The following PDS5B variants were observed in gnomAD, a reference collection of about 807,000 sequenced individuals.
PDS5B encodes PDS5 cohesin associated factor B.
PDS5B carries 51 observed loss-of-function variants against 184.1 expected under a neutral mutation model. The ratio of observed to expected loss-of-function variants is 0.28; its 90% confidence interval spans 0.22 to 0.35. The LOEUF (loss-of-function observed/expected upper bound fraction) is 0.35, where lower values mean the gene tolerates loss of function less well. Ranked by LOEUF, PDS5B falls within the 10% of genes least tolerant of loss-of-function variation. The pLI, the probability that PDS5B is intolerant of heterozygous loss-of-function variation, is 1.00. For missense variants in PDS5B, 1,180 were observed against 1,723.3 expected, an observed-to-expected ratio of 0.68 and a Z score of 5.58; for synonymous variants, 566 against 569.2, an observed-to-expected ratio of 0.99 and a Z score of 0.08.
chr13:32,770,003 G>A, intron 31 of PDS5B, 118 bp from the exon 32 acceptor site: 1 of 779,378 alleles, frequency 1.3e-6, no homozygotes, highest in Non-Finnish European at 2.0e-6. Context: ...TTTAAGAGCT[G>A]TATATTTTAG....
chr13:32,730,737 GCTCT>G (rs563254694), intron 19 of PDS5B, among the ~76,000 whole-genome samples: 1,539 of 152,060 alleles, frequency 0.01, 13 homozygotes, highest in Middle Eastern at 0.017. Flanking sequence ...TCATGATTTG[GCTCT>G]CTGTTTGTCT....
At chr13:32,758,415 GACT>G in intron 27 of PDS5B, 116 bp from the exon 28 acceptor site, 1 of 1,069,826 alleles carries the variant, frequency 9.3e-7, no homozygotes. Flanking sequence ...TGCTTACACA[GACT>G]GTTGCTTTCA....
chr13:32,668,520 T>G (rs1950857676), intron 7 of PDS5B, among the ~76,000 whole-genome samples: 1 of 152,178 alleles, frequency 6.6e-6, no homozygotes, highest in Non-Finnish European at 1.5e-5. Flanking sequence ...ACAGTTCTTT[T>G]GAGTTCTACA....
rs558946321 is a variant in PDS5B, at chr13:32,713,477, A to G, written c.2123+3371A>G. ...AGGTAAACAGCAAATGACATGAGAG[A>G]AAAAAGATAACAAAAATGAAGTAAT... is the stretch of plus-strand genomic sequence containing the variant. On this transcript the variant is annotated intron_variant, in intron 19 of 34. Transcript: ENST00000315596. Among the ~76,000 whole-genome samples, 370 of 152,318 alleles carry G rather than the reference A, an allele frequency of 2.4e-3. 2 individuals are homozygous for G. Among genetic ancestry groups the G allele is most frequent in the African/African-American group, 8.1e-3 (335 of 41,572 alleles).
intron 8 of PDS5B, 143 bp downstream of exon 8, chr13:32,673,499 C>T: frequency 1.4e-6 from 1 of 703,636 alleles, no homozygotes; most frequent in South Asian, 2.2e-5. Flanking sequence ...CGTATTTGTG[C>T]CGTGTCTGTT....
At chr13:32,595,042 C>T (rs190977292) in intron 1 of PDS5B, among the ~76,000 whole-genome samples, 5 of 152,222 alleles carry the variant, frequency 3.3e-5, no homozygotes, top group Admixed American at 1.3e-4. Context: ...CTGAATTTCC[C>T]ATCTTCTTTT....
At chr13:32,724,731 C>CAT (rs1491186423) in intron 19 of PDS5B, among the ~76,000 whole-genome samples, 1 of 152,154 alleles carries the variant, frequency 6.6e-6, no homozygotes, top group Non-Finnish European at 1.5e-5. Flanking sequence ...AGGCGCATGT[C>CAT]ACCATGCCTG....
At chr13:32,758,700 C>A in intron 28 of PDS5B, 47 bp downstream of exon 28, 1 of 1,580,180 alleles carries the variant, frequency 6.3e-7, no homozygotes, top group Non-Finnish European at 8.7e-7. Context: ...AAAATGTATT[C>A]TCAGCACTGG....
intron 25 of PDS5B, 109 bp from the exon 26 acceptor site, chr13:32,755,733 A>G (rs564864934): frequency 1.1e-5 from 6 of 562,754 alleles, no homozygotes; most frequent in Non-Finnish European, 1.6e-5. Flanking sequence ...TATAGTACGA[A>G]AGAAAGAGTA....
intron 27 of PDS5B, among the ~76,000 whole-genome samples, 156 bp from the exon 28 acceptor site, chr13:32,758,378 G>A (rs1954260914): frequency 6.6e-6 from 1 of 152,122 alleles, no homozygotes; most frequent in African/African-American, 2.4e-5. Flanking sequence ...ACAAGTAAAT[G>A]AGCAAAACCA....
At position 32,633,259 on chromosome 13, in the gene PDS5B, ATAAT is replaced by A. The variant is rs958896452; in HGVS notation, c.-19-15490_-19-15487del. 5.7e-4 allele frequency among the ~76,000 whole-genome samples: 87 copies of A among 152,352 alleles called. 1 individual carries two copies. Among genetic ancestry groups the A allele is most frequent in the Admixed American group, 4.2e-3 (64 of 15,304 alleles). On this transcript the variant is annotated intron_variant, in intron 1 of 34. Coordinates refer to ENST00000315596, the MANE Select transcript of PDS5B (RefSeq NM_015032.4). ...GTAGTGGTTGCACAATATTGTAAAT[ATAAT>A]TAATAATGTCACTTAATTGTACATT...
At position 32,628,552 on chromosome 13, in the gene PDS5B, GA is replaced by G. The variant is rs35988429; in HGVS notation, c.-19-20187del. ...GACACAGAGAGACTCCCATCTCAGG[GA>G]AAAAAAAAAAAAAATTATGCTCTAT... On this transcript the variant is annotated intron_variant, in intron 1 of 34. Transcript: ENST00000315596. Among the ~76,000 whole-genome samples, 1,106 of 139,278 alleles carry G rather than the reference GA, an allele frequency of 7.9e-3. 11 individuals are homozygous for G. Among genetic ancestry groups the G allele is most frequent in the African/African-American group, 0.023 (860 of 37,646 alleles). The allele number at this position is 139,278 out of a possible 152,430, so 91.4% of individuals were successfully genotyped here. A position where few individuals can be genotyped will look rare whatever the true frequency, so the allele number is the denominator to read the frequency against.
chr13:32,660,607 T>C lies in PDS5B; in HGVS notation c.624+1327T>C, dbSNP rs180763466. ...AACCCTCCTAGACACAAATCGAGTA[T>C]CTAGCTTGGCTTTCTGCACTGAGCA... On this transcript the variant is annotated intron_variant, in intron 6 of 34. Transcript: ENST00000315596. 1.8e-4 allele frequency among the ~76,000 whole-genome samples: 28 copies of C among 152,308 alleles called. 2 individuals are homozygous for C. The highest frequency in any genetic ancestry group is 1.6e-3 in the Admixed American group (25 of 15,304).
chr13:32,736,952 C>T (rs1953352666), intron 21 of PDS5B, among the ~76,000 whole-genome samples: 1 of 152,012 alleles, frequency 6.6e-6, no homozygotes, highest in African/African-American at 2.4e-5. Context: ...TTCTGTAATT[C>T]TATAGTTTTT....
chr13:32,660,585 C>A (rs993320337), intron 6 of PDS5B, among the ~76,000 whole-genome samples: 3 of 152,198 alleles, frequency 2.0e-5, no homozygotes, highest in African/African-American at 7.2e-5. Flanking sequence ...CAAGACAAAC[C>A]CTCCTAGACA....
At chr13:32,640,841 T>A (rs900145494) in intron 1 of PDS5B, among the ~76,000 whole-genome samples, 1 of 151,392 alleles carries the variant, frequency 6.6e-6, no homozygotes, top group Non-Finnish European at 1.5e-5. Flanking sequence ...GATCATGAGG[T>A]CAGGAGATCG....
intron 1 of PDS5B, among the ~76,000 whole-genome samples, chr13:32,638,288 T>C (rs1440480145): frequency 6.6e-6 from 1 of 152,180 alleles, no homozygotes; most frequent in Non-Finnish European, 1.5e-5. Context: ...AAAAACACTT[T>C]TATTTCTTGA....
At chr13:32,677,470 A>G (rs900314499) in intron 9 of PDS5B, among the ~76,000 whole-genome samples, 3 of 152,102 alleles carry the variant, frequency 2.0e-5, no homozygotes, top group African/African-American at 7.2e-5. Flanking sequence ...CTTACACAGT[A>G]TTAAATAATA....
At chr13:32,644,741 GTT>G (rs1950177742) in intron 1 of PDS5B, among the ~76,000 whole-genome samples, 1 of 151,930 alleles carries the variant, frequency 6.6e-6, no homozygotes, top group South Asian at 2.1e-4. Flanking sequence ...TACTAAACTT[GTT>G]TCTTGTTTCG....
Sources: allele counts gnomAD v4.1 joint callset (sites outside exome capture counted in the v4.1 genomes callset), GRCh38; gene constraint gnomAD v4.1.1; transcripts MANE v1.5; gene names NCBI Gene and HGNC (gene_info 2026-07-23, HGNC 2026-07-21).